The following LRIF1 variants were observed in gnomAD, a reference collection of about 807,000 sequenced individuals.
The protein encoded by LRIF1 is ligand dependent nuclear receptor interacting factor 1.
In LRIF1, 32 loss-of-function variants were observed where a neutral mutation model predicts 52.7. That is an observed-to-expected ratio of 0.61 (90% CI 0.46 to 0.82). The LOEUF (loss-of-function observed/expected upper bound fraction) is 0.82, where lower values mean the gene tolerates loss of function less well. Ranked by LOEUF, LRIF1 falls within the 40% of genes least tolerant of loss-of-function variation. LRIF1 has a pLI of 0.00. For synonymous variants in LRIF1, 323 were observed against 317.4 expected (o/e 1.02, Z -0.19); for missense variants, 887 against 892.0 (o/e 0.99, Z 0.07).
the LRIF1 span, among the ~76,000 whole-genome samples, chr1:110,928,156 C>A: frequency 3.3e-5 from 5 of 152,116 alleles, no homozygotes; most frequent in Admixed American, 6.6e-5. Context: ...GTCTTTATAA[C>A]CTAACCCTTT....
the LRIF1 span, among the ~76,000 whole-genome samples, chr1:110,915,208 G>A: frequency 3.3e-5 from 5 of 152,168 alleles, no homozygotes; most frequent in Admixed American, 2.6e-4. Flanking sequence ...ATTTACGGCC[G>A]GGCGCGGTGG....
At chr1:110,887,352 C>T in the LRIF1 span, among the ~76,000 whole-genome samples, 8 of 152,222 alleles carry the variant, frequency 5.3e-5, no homozygotes, top group Non-Finnish European at 1.0e-4. Context: ...GCGTGAGCCA[C>T]CGCGCCCAGC....
chr1:110,886,134 T>G, the LRIF1 span, among the ~76,000 whole-genome samples: 2 of 152,192 alleles, frequency 1.3e-5, no homozygotes, highest in Non-Finnish European at 2.9e-5. Context: ...TATAGATTTT[T>G]AGTATGACAA....
At chr1:110,898,367 ACT>A in the LRIF1 span, among the ~76,000 whole-genome samples, 365 of 126,988 alleles carry the variant, frequency 2.9e-3, 1 homozygote, top group African/African-American at 9.9e-3. Context: ...ACAGAGCGAG[ACT>A]CTGTCTCCAG....
chr1:110,931,197 G>A, the LRIF1 span, among the ~76,000 whole-genome samples: 144 of 151,992 alleles, frequency 9.5e-4, 1 homozygote, highest in Middle Eastern at 6.8e-3. Flanking sequence ...ATGTGTTCTC[G>A]TTGTTCAATT....
At chr1:110,875,166 A>T in the LRIF1 span, among the ~76,000 whole-genome samples, 43 of 152,348 alleles carry the variant, frequency 2.8e-4, no homozygotes, top group African/African-American at 1.0e-3. Context: ...GGTGCTGTAT[A>T]TTCAAATTCA....
At chr1:110,885,594 G>T in the LRIF1 span, among the ~76,000 whole-genome samples, 1 of 151,774 alleles carries the variant, frequency 6.6e-6, no homozygotes, top group Admixed American at 6.6e-5. Flanking sequence ...GAGGTGCGGT[G>T]GCTCAAGCCT....
At chr1:110,893,087 C>G in the LRIF1 span, among the ~76,000 whole-genome samples, 1 of 152,310 alleles carries the variant, frequency 6.6e-6, no homozygotes, top group Admixed American at 6.5e-5. Context: ...TGTTCCCTAT[C>G]AGGTACTATC....
chr1:110,951,945 C>T lies in LRIF1; in HGVS notation c.939G>A (p.Val313=). 1 of 1,613,856 alleles carries T rather than the reference C, an allele frequency of 6.2e-7. No homozygotes were observed. The change falls in exon 2 of 4, where the codon GTG becomes GTA. Residue 313 remains valine, a synonymous_variant. Coordinates refer to ENST00000369763, the MANE Select transcript of LRIF1 (RefSeq NM_018372.4). ...CAAAAGTTTTTAAAATCTTTGAAGCCACATTATTTGAAGACTTAACAGGAA... is the reference window on the plus strand; with the variant it reads ...CAAAAGTTTTTAAAATCTTTGAAGCTACATTATTTGAAGACTTAACAGGAA... ...SLVPVKSSNN[V]ASKILKTFVD...
chr1:110,883,721 T>C, the LRIF1 span, among the ~76,000 whole-genome samples: 8 of 152,020 alleles, frequency 5.3e-5, no homozygotes, highest in African/African-American at 1.9e-4. Context: ...TTCAGTTTCT[T>C]ATTAGAGATA....
intron 1 of LRIF1, among the ~76,000 whole-genome samples, chr1:110,959,957 ACTAT>A (rs934688107): frequency 2.0e-5 from 3 of 152,044 alleles, no homozygotes; most frequent in Non-Finnish European, 2.9e-5. Context: ...TCCTTTTCTT[ACTAT>A]CTATGACATA....
intron 2 of LRIF1, 33 bp from the exon 3 acceptor site, chr1:110,950,156 ACTG>A (rs772674840): frequency 1.3e-5 from 21 of 1,564,404 alleles, no homozygotes; most frequent in Non-Finnish European, 1.8e-5. Context: ...CACAAACAAT[ACTG>A]CTAATTATTC....
chr1:110,895,190 C>A, the LRIF1 span: 1 of 661,160 alleles, frequency 1.5e-6, no homozygotes. Flanking sequence ...AATGCCTTGG[C>A]TATCACAAAC....
At chr1:110,922,734 A>G in the LRIF1 span, among the ~76,000 whole-genome samples, 1 of 152,320 alleles carries the variant, frequency 6.6e-6, no homozygotes, top group South Asian at 2.1e-4. Flanking sequence ...TTGTTCTCTC[A>G]TAGTTCTGGA....
intron 3 of LRIF1, 125 bp from the exon 4 acceptor site, chr1:110,948,524 G>T (rs769795158): frequency 2.2e-4 from 301 of 1,357,042 alleles, no homozygotes; most frequent in Non-Finnish European, 2.0e-4. Flanking sequence ...AAAATTTATG[G>T]AAGACAACTA....
chr1:110,963,598 G>A (rs1034600397), intron 1 of LRIF1, 23 bp downstream of exon 1: 2 of 1,596,920 alleles, frequency 1.3e-6, no homozygotes, highest in Middle Eastern at 1.8e-4. Context: ...CAGCCGTGGG[G>A]AGGATTCGAA....
At chr1:110,897,793 C>T in the LRIF1 span, 8 of 1,527,230 alleles carry the variant, frequency 5.2e-6, no homozygotes, top group South Asian at 5.6e-5. Context: ...TCATTTGTAA[C>T]TGAAATGTCT....
At chr1:110,901,500 C>CG in the LRIF1 span, among the ~76,000 whole-genome samples, 1 of 69,234 alleles carries the variant, frequency 1.4e-5, no homozygotes, top group Non-Finnish European at 3.0e-5. Context: ...TTTTTTTAGA[C>CG]GGAGTCTCAC....
chr1:110,891,547 G>A, the LRIF1 span: 1 of 1,114,234 alleles, frequency 9.0e-7, no homozygotes, highest in Non-Finnish European at 1.4e-6. Flanking sequence ...TACTGAAGAG[G>A]CTGGTGTGGG....
Sources: allele counts gnomAD v4.1 joint callset (sites outside exome capture counted in the v4.1 genomes callset), GRCh38; gene constraint gnomAD v4.1.1; transcripts MANE v1.5; gene names NCBI Gene and HGNC (gene_info 2026-07-23, HGNC 2026-07-21).